The following WWP2 variants were observed in gnomAD, a reference collection of about 807,000 sequenced individuals.
WWP2 encodes the protein WW domain containing E3 ubiquitin protein ligase 2.
WWP2 carries 57 observed loss-of-function variants against 121.0 expected under a neutral mutation model. That is an observed-to-expected ratio of 0.47 (90% CI 0.38 to 0.59). WWP2 has a LOEUF of 0.59. WWP2 is among the 20% of genes least tolerant of loss of function. The probability of loss-of-function intolerance (pLI) is 0.00; values close to 1 mark genes in which losing one functional copy is unlikely to be tolerated. For synonymous variants in WWP2, 449 were observed against 441.3 expected, an observed-to-expected ratio of 1.02 and a Z score of -0.22; for missense variants, 962 against 1,158.9, an observed-to-expected ratio of 0.83 and a Z score of 2.47.
intron 4 of WWP2, among the ~76,000 whole-genome samples, chr16:69,805,565 CT>C (rs1351818456): frequency 1.3e-5 from 2 of 151,142 alleles, no homozygotes; most frequent in East Asian, 1.9e-4. Context: ...GACTGGGAAT[CT>C]TTTTGATTTA....
At chr16:69,883,398 G>GCACACA (rs1025261580) in intron 7 of WWP2, among the ~76,000 whole-genome samples, 10 of 96,192 alleles carry the variant, frequency 1.0e-4, no homozygotes, top group African/African-American at 3.9e-4. Flanking sequence ...CTAAGAATGT[G>GCACACA]CGCACACACA....
intron 1 of WWP2, among the ~76,000 whole-genome samples, chr16:69,764,420 G>A (rs990139196): frequency 3.9e-5 from 6 of 152,040 alleles, no homozygotes; most frequent in African/African-American, 1.4e-4. Context: ...TTCAAACTCC[G>A]GGGCTCAAGC....
chr16:69,939,907 C>T lies in WWP2; in HGVS notation c.2580C>T (p.Ala860=), dbSNP rs778169010. The T allele has an allele frequency of 6.2e-7, 1 of 1,613,930 alleles. No homozygotes were observed. Among genetic ancestry groups the T allele is most frequent in the South Asian group, 1.1e-5 (1 of 91,070 alleles). ...YEQLREKLLY[A]IEETEGFGQE is the part of the protein sequence containing the mutation. ...AGCTGAGAGAGAAGCTGCTGTATGCCATTGAGGAGACCGAGGGCTTTGGAC... is the reference window on the plus strand; with the variant it reads ...AGCTGAGAGAGAAGCTGCTGTATGCTATTGAGGAGACCGAGGGCTTTGGAC... Residue 860 remains alanine (A), a synonymous_variant, in exon 24 of 24, where the codon GCC becomes GCT. Coordinates refer to ENST00000359154, the MANE Select transcript of WWP2 (RefSeq NM_001270454.2).
chr16:69,831,503 T>A (rs910961971), intron 4 of WWP2, among the ~76,000 whole-genome samples: 2 of 152,170 alleles, frequency 1.3e-5, no homozygotes, highest in Non-Finnish European at 1.5e-5. Context: ...CCTATTTATC[T>A]ATATTTATTA....
chr16:69,802,909 A>G (rs765703845), intron 4 of WWP2, among the ~76,000 whole-genome samples: 2 of 152,150 alleles, frequency 1.3e-5, no homozygotes, highest in East Asian at 3.9e-4. Context: ...CTGGCCCAAG[A>G]TATCTTATTA....
intron 1 of WWP2, among the ~76,000 whole-genome samples, chr16:69,764,962 G>C (rs1330055312): frequency 6.6e-6 from 1 of 152,160 alleles, no homozygotes; most frequent in Non-Finnish European, 1.5e-5. Context: ...CCAGCACTTT[G>C]GGAGGTCAAG....
At chr16:69,791,547 A>G (rs1205716447) in intron 2 of WWP2, among the ~76,000 whole-genome samples, 1 of 150,950 alleles carries the variant, frequency 6.6e-6, no homozygotes, top group Non-Finnish European at 1.5e-5. Context: ...TTTTTGAGAC[A>G]GTCTTTCTCT....
At chr16:69,847,406 T>A (rs1171897158) in intron 6 of WWP2, among the ~76,000 whole-genome samples, 2 of 150,424 alleles carry the variant, frequency 1.3e-5, no homozygotes, top group African/African-American at 2.4e-5. Context: ...TTTTCTTATT[T>A]TTTTTTTTTT....
At chr16:69,784,403 A>G (rs1371725617) in intron 1 of WWP2, among the ~76,000 whole-genome samples, 1 of 152,022 alleles carries the variant, frequency 6.6e-6, no homozygotes, top group Non-Finnish European at 1.5e-5. Context: ...CCTGGCCGAA[A>G]TTATTTTCAT....
Position 69,798,843 on chromosome 16 carries a change from CCTT to C in WWP2, c.218+18_218+20del, listed in dbSNP as rs766351396. 251 of 1,612,928 alleles carry C rather than the reference CCTT, an allele frequency of 1.6e-4. 1 individual carries two copies. The African/African-American group carries it at 3.0e-3, about 20-fold the overall frequency. The stretch of plus-strand genomic sequence containing the variant: ...GATCATCATTTTGTAAGAGAAAGCC[CCTT>C]CTTTTTGAACGCAGCAAGATGGGGA... On this transcript the variant is annotated intron_variant, in intron 3 of 23. Transcript: ENST00000359154.
At position 69,935,538 on chromosome 16, in the gene WWP2, T is replaced by A. The variant is rs900978788; in HGVS notation, c.1843-315T>A. ...CTTTTCTGTGAGCGTGGGGCAGACC[T>A]TTGCTAGGCCAGGAGCCAGCCGGCC... On this transcript the variant is annotated intron_variant, in intron 17 of 23. Transcript: ENST00000359154. This position sits in a 1 kb window ranked among gnomAD's most constrained non-coding sequence, Gnocchi z 5.2. 6.6e-6 allele frequency among the ~76,000 whole-genome samples: 1 copy of A among 152,234 alleles called. No homozygotes were observed. Among genetic ancestry groups the A allele is most frequent in the Non-Finnish European group, 1.5e-5 (1 of 68,026 alleles).
rs113793771 is a variant in WWP2 at position 69,925,712 on chromosome 16, G to A, written c.1234+228G>A. Among the ~76,000 whole-genome samples the A allele has an allele frequency of 3.1e-4, 47 of 152,308 alleles. No individual in the cohort carries two copies. The highest frequency in any genetic ancestry group is 7.7e-4 in the East Asian group (4 of 5,194). On this transcript the variant is annotated intron_variant, in intron 11 of 23. Transcript: ENST00000359154. This position sits in a 1 kb window ranked among gnomAD's most constrained non-coding sequence, Gnocchi z 4.0. Reference sequence around the variant, plus strand: ...ACCACTGTAGCATCCACCCACCATCGCTAAAGGAGTGTGACCCTAAGAAAA... The same window carrying A: ...ACCACTGTAGCATCCACCCACCATCACTAAAGGAGTGTGACCCTAAGAAAA...
chr16:69,782,144 G>T (rs774294057), intron 1 of WWP2, among the ~76,000 whole-genome samples: 2 of 152,094 alleles, frequency 1.3e-5, no homozygotes, highest in Non-Finnish European at 2.9e-5. Flanking sequence ...TTAGCTGGGC[G>T]TGTTAGCGGG....
intron 6 of WWP2, among the ~76,000 whole-genome samples, chr16:69,848,459 A>C (rs985864868): frequency 1.8e-4 from 27 of 151,652 alleles, no homozygotes; most frequent in Non-Finnish European, 2.2e-4. Flanking sequence ...TCAAAAAAAA[A>C]AAACAAACAA....
intron 6 of WWP2, among the ~76,000 whole-genome samples, chr16:69,852,008 C>CAA (rs1339207652): frequency 2.6e-5 from 4 of 151,860 alleles, no homozygotes; most frequent in African/African-American, 9.7e-5. Flanking sequence ...CAAAACAAAA[C>CAA]AAAGTTTTTA....
intron 4 of WWP2, among the ~76,000 whole-genome samples, chr16:69,801,146 G>A (rs61296923): frequency 2.1e-5 from 3 of 145,412 alleles, no homozygotes; most frequent in East Asian, 2.1e-4. Flanking sequence ...CCGAGATTGC[G>A]CCACTGCACT....
At chr16:69,879,292 G>A (rs1334441377) in intron 7 of WWP2, among the ~76,000 whole-genome samples, 1 of 152,020 alleles carries the variant, frequency 6.6e-6, no homozygotes, top group Non-Finnish European at 1.5e-5. Context: ...TCACAATGTT[G>A]GGTAACTATA....
chr16:69,925,011 G>A lies in WWP2; in HGVS notation c.1180-419G>A, dbSNP rs2058618978. 3.0e-6 allele frequency: 3 copies of A among 993,970 alleles called. No individual in the cohort carries two copies. In the South Asian group the frequency reaches 1.4e-4, roughly 46 times the overall value. 61.6% of individuals were successfully genotyped at this position (993,970 alleles called of 1,614,324 possible). ...TTTTCCCCTCCTGCGTGTGGTTCTT[G>A]GAGAAAGTTGGAGGTGGTGGTGATT... On this transcript the variant is annotated intron_variant, in intron 10 of 23. Transcript: ENST00000359154. The surrounding 1 kb of genome is among the most constrained non-coding windows in gnomAD (Gnocchi z 4.0).
At chr16:69,846,078 TATCTG>T (rs1344994255) in intron 6 of WWP2, among the ~76,000 whole-genome samples, 1 of 69,392 alleles carries the variant, frequency 1.4e-5, no homozygotes, top group Non-Finnish European at 2.9e-5. Context: ...AAAGAATACT[TATCTG>T]GTCTGGCACA....
Sources: allele counts gnomAD v4.1 joint callset (sites outside exome capture counted in the v4.1 genomes callset), GRCh38; gene constraint gnomAD v4.1.1; non-coding constraint Gnocchi (gnomAD v3.1); transcripts MANE v1.5; gene names NCBI Gene and HGNC (gene_info 2026-07-23, HGNC 2026-07-21).